The following AP1S3 variants were observed in gnomAD, a reference collection of about 807,000 sequenced individuals.
The protein encoded by AP1S3 is AP-1 complex subunit sigma-3.
In AP1S3, 10 loss-of-function variants were observed where a neutral mutation model predicts 20.9. That is an observed-to-expected ratio of 0.48 (90% CI 0.29 to 0.81). The LOEUF is 0.81. Ranked by LOEUF, AP1S3 falls within the 30% of genes least tolerant of loss-of-function variation. The pLI, the probability that AP1S3 is intolerant of heterozygous loss-of-function variation, is 0.08. For synonymous variants in AP1S3, 41 were observed against 61.5 expected (o/e 0.67, Z 1.56); for missense variants, 154 against 183.8 (o/e 0.84, Z 0.94).
intron 1 of AP1S3, among the ~76,000 whole-genome samples, chr2:223,815,508 A>T (rs1392933597): frequency 1.3e-5 from 2 of 152,212 alleles, no homozygotes; most frequent in Non-Finnish European, 2.9e-5. Context: ...CAAATTCCTG[A>T]GGACTGCGGT....
intron 1 of AP1S3, among the ~76,000 whole-genome samples, chr2:223,835,958 C>T (rs1692385534): frequency 6.6e-6 from 1 of 152,204 alleles, no homozygotes; most frequent in Admixed American, 6.5e-5. Context: ...CTTGAGCAAG[C>T]CAAGAAACCT....
intron 1 of AP1S3, among the ~76,000 whole-genome samples, chr2:223,786,853 T>G (rs531766721): frequency 6.6e-6 from 1 of 151,990 alleles, no homozygotes; most frequent in Admixed American, 6.6e-5. Flanking sequence ...TGCAGTGAGC[T>G]GAGATCATGC....
chr2:223,828,058 T>TA lies in AP1S3; in HGVS notation c.3+9389dup, dbSNP rs527671959. ...TGGGGTACAAGAGCAAGACTTCATC[T>TA]AAAAAAAAAAAAAAAAAAAAAAAAA... On this transcript the variant is annotated intron_variant, in intron 1 of 4. Transcript: ENST00000396654. 6.1e-3 allele frequency among the ~76,000 whole-genome samples: 577 copies of TA among 94,106 alleles called. 17 individuals carry two copies. The highest frequency in any genetic ancestry group is 9.1e-3 in the Non-Finnish European group (402 of 43,948). The allele number at this position is 94,106 out of a possible 152,430, so 61.7% of individuals were successfully genotyped here.
chr2:223,768,285 C>A, intron 3 of AP1S3, among the ~76,000 whole-genome samples: 1 of 152,194 alleles, frequency 6.6e-6, no homozygotes, highest in East Asian at 1.9e-4. Context: ...TATTCTCCTG[C>A]TGGCAAAACC....
intron 3 of AP1S3, among the ~76,000 whole-genome samples, chr2:223,770,990 C>T (rs913000127): frequency 6.6e-6 from 1 of 152,066 alleles, no homozygotes; most frequent in Non-Finnish European, 1.5e-5. Context: ...CCACCTTGGC[C>T]TCCCAAAGTG....
At chr2:223,766,001 G>A (rs1039764872) in intron 3 of AP1S3, among the ~76,000 whole-genome samples, 10 of 152,202 alleles carry the variant, frequency 6.6e-5, no homozygotes, top group African/African-American at 2.2e-4. Context: ...TCAAAGCAGA[G>A]TCTGATAGAT....
At chr2:223,804,894 T>A (rs1418518068) in intron 1 of AP1S3, among the ~76,000 whole-genome samples, 1 of 152,212 alleles carries the variant, frequency 6.6e-6, no homozygotes, top group African/African-American at 2.4e-5. Flanking sequence ...TACAGGGAAT[T>A]GGCAGATCTG....
chr2:223,788,389 C>T (rs977546721), intron 1 of AP1S3, among the ~76,000 whole-genome samples: 2 of 150,692 alleles, frequency 1.3e-5, no homozygotes, highest in Non-Finnish European at 3.0e-5. Context: ...GAGGCGGGCA[C>T]ATCACCTGAG....
At chr2:223,786,259 G>A (rs1008330367) in intron 1 of AP1S3, among the ~76,000 whole-genome samples, 4 of 152,216 alleles carry the variant, frequency 2.6e-5, no homozygotes, top group Non-Finnish European at 4.4e-5. Context: ...TCGTTGCCTT[G>A]TTAAGATGGA....
At chr2:223,783,242 G>A (rs757709795) in intron 1 of AP1S3, among the ~76,000 whole-genome samples, 5 of 152,108 alleles carry the variant, frequency 3.3e-5, no homozygotes, top group Non-Finnish European at 7.3e-5. Flanking sequence ...AGGGAGGCGT[G>A]GTGACTTCTT....
intron 1 of AP1S3, among the ~76,000 whole-genome samples, chr2:223,826,755 G>A (rs754707265): frequency 6.6e-6 from 1 of 152,162 alleles, no homozygotes; most frequent in Non-Finnish European, 1.5e-5. Context: ...CCAGATTCAA[G>A]CAATCTTTCC....
At position 223,785,480 on chromosome 2, in the gene AP1S3, T is replaced by C. The variant is rs533633704; in HGVS notation, c.4-7611A>G. ...TGGTTATCTTACAACAGTGGAATTA[T>C]AAATGTTATTTTCTTCTTTGTACTT... On this transcript the variant is annotated intron_variant, in intron 1 of 4. Transcript: ENST00000396654. Among the ~76,000 whole-genome samples, 5 of 152,374 alleles carry C rather than the reference T, an allele frequency of 3.3e-5. No individual in the cohort carries two copies. In the East Asian group the frequency reaches 9.6e-4, roughly 29 times the overall value.
intron 1 of AP1S3, among the ~76,000 whole-genome samples, chr2:223,834,354 G>T (rs1692347952): frequency 6.6e-6 from 1 of 152,044 alleles, no homozygotes; most frequent in Non-Finnish European, 1.5e-5. Context: ...ACTTTGGGAG[G>T]ACAAGGTGGG....
intron 1 of AP1S3, among the ~76,000 whole-genome samples, chr2:223,784,915 T>C (rs553567054): frequency 6.6e-6 from 1 of 152,302 alleles, no homozygotes; most frequent in South Asian, 2.1e-4. Flanking sequence ...ATTGAGGCAT[T>C]AGATGTTTAC....
intron 3 of AP1S3, among the ~76,000 whole-genome samples, chr2:223,774,241 C>T (rs762291030): frequency 1.3e-5 from 2 of 151,882 alleles, no homozygotes; most frequent in Non-Finnish European, 2.9e-5. Flanking sequence ...GGCGGGGGCC[C>T]GTAAACCTAG....
chr2:223,762,548 C>T (rs1392293324), intron 4 of AP1S3, among the ~76,000 whole-genome samples: 2 of 152,158 alleles, frequency 1.3e-5, no homozygotes, highest in Non-Finnish European at 2.9e-5. Context: ...GTTGGGCTTA[C>T]AGACGTGAGC....
rs76401018 is a variant in AP1S3, at chr2:223,763,131, G to T, written c.429+2082C>A. On this transcript the variant is annotated intron_variant, in intron 4 of 4. Transcript: ENST00000396654. ...TCTGTATTTGGCAAGTGTTGTTAGCGCAACAGAAGAGACTGAGAGGGTGGC... is the reference window on the plus strand; with the variant it reads ...TCTGTATTTGGCAAGTGTTGTTAGCTCAACAGAAGAGACTGAGAGGGTGGC... Among the ~76,000 whole-genome samples, 255 of 152,230 alleles carry T rather than the reference G, an allele frequency of 1.7e-3. 2 individuals carry two copies. Among genetic ancestry groups the T allele is most frequent in the African/African-American group, 6.0e-3 (249 of 41,538 alleles).
At chr2:223,761,099 G>A (rs1690343598) in intron 4 of AP1S3, among the ~76,000 whole-genome samples, 1 of 152,152 alleles carries the variant, frequency 6.6e-6, no homozygotes, top group Non-Finnish European at 1.5e-5. Flanking sequence ...AAACCAATAA[G>A]GTAAAAGTTG....
chr2:223,802,851 T>C (rs997049003), intron 1 of AP1S3, among the ~76,000 whole-genome samples: 1 of 152,184 alleles, frequency 6.6e-6, no homozygotes, highest in Non-Finnish European at 1.5e-5. Flanking sequence ...TGGGAATATT[T>C]TTTGAACAAC....
Sources: gnomAD v4.1 joint callset for allele counts (sites outside exome capture counted in the v4.1 genomes callset) on GRCh38, gnomAD v4.1.1 for gene constraint, MANE v1.5 for transcripts, NCBI Gene and HGNC (gene_info 2026-07-23, HGNC 2026-07-21) for gene names.